The following CNIH1 variants were observed in gnomAD, a reference collection of about 807,000 sequenced individuals.
CNIH1 encodes protein cornichon homolog 1.
CNIH1 carries 12 observed loss-of-function variants against 20.2 expected under a neutral mutation model. The ratio of observed to expected loss-of-function variants is 0.59; its 90% confidence interval spans 0.38 to 0.96. The LOEUF is 0.96. Ranked by LOEUF, CNIH1 falls within the 40% of genes least tolerant of loss-of-function variation. The pLI is 0.00. For synonymous variants in CNIH1, 69 were observed against 63.3 expected, an observed-to-expected ratio of 1.09 and a Z score of -0.43; for missense variants, 152 against 178.8, an observed-to-expected ratio of 0.85 and a Z score of 0.85.
At position 54,437,306 on chromosome 14, in the gene CNIH1, C is replaced by T. The variant is rs1170999080; in HGVS notation, c.82-869G>A. On this transcript the variant is annotated intron_variant, in intron 1 of 4. Coordinates refer to ENST00000216416, the MANE Select transcript of CNIH1 (RefSeq NM_005776.3). ...GACACACAAACTAAGCTACCCTTCCCTTAATGAGTTAGGAATAGTATCTTT... is the reference window on the plus strand; with the variant it reads ...GACACACAAACTAAGCTACCCTTCCTTTAATGAGTTAGGAATAGTATCTTT... Among the ~76,000 whole-genome samples the T allele has an allele frequency of 3.9e-5, 6 of 152,192 alleles. No homozygotes were observed. In the East Asian group the frequency reaches 1.2e-3, roughly 29 times the overall value.
chr14:54,441,348 G>C lies in CNIH1; in HGVS notation c.-21C>G. On this transcript the variant is annotated 5_prime_UTR_variant, in exon 1 of 5. Coordinates refer to ENST00000216416, the MANE Select transcript of CNIH1 (RefSeq NM_005776.3). The stretch of plus-strand genomic sequence containing the variant: ...GCCATGGCTGGGGAGGAGGAGCGGG[G>C]AGCGGCGCCGTTGCCAGCGGAGAAA... 6.7e-7 allele frequency: 1 copy of C among 1,486,366 alleles called. No homozygotes were observed. The highest frequency in any genetic ancestry group is 9.0e-7 in the Non-Finnish European group (1 of 1,108,912). The allele number at this position is 1,486,366 out of a possible 1,614,324, so 92.1% of individuals were successfully genotyped here. A position where few individuals can be genotyped will look rare whatever the true frequency, so the allele number is the denominator to read the frequency against.
At position 54,430,345 on chromosome 14, in the gene CNIH1, T is replaced by C. The variant is rs1566716121; in HGVS notation, c.323A>G (p.Asn108Ser). 2.5e-6 allele frequency: 4 copies of C among 1,614,130 alleles called. No homozygotes were observed. The highest frequency in any genetic ancestry group is 3.4e-6 in the Non-Finnish European group (4 of 1,179,944). Residue 108 changes from asparagine (N) to serine (S), a missense_variant, in exon 4 of 5, where the codon AAT becomes AGT. Coordinates refer to ENST00000216416, the MANE Select transcript of CNIH1 (RefSeq NM_005776.3). The part of the protein sequence containing the change: ...PGLYDPTTIM[N>S]ADILAYCQKE... ...CTGACAATATGCTAGAATATCTGCA[T>C]TCATGATGGTTGTAGGGTCATAGAG... is the stretch of plus-strand genomic sequence containing the variant.
rs1041305271 is a variant in CNIH1, at chr14:54,425,608, G to A, written c.*2206C>T. ...TTTCGTTTCTGCTTTCTCTTGGTAA[G>A]TGATCTAATTCATAAAACACTGACA... is the stretch of plus-strand genomic sequence containing the variant. On this transcript the variant is annotated 3_prime_UTR_variant, in exon 5 of 5. Coordinates refer to ENST00000216416, the MANE Select transcript of CNIH1 (RefSeq NM_005776.3). The A allele has an allele frequency of 6.6e-6, 1 of 152,216 alleles. No homozygotes were observed. The highest frequency in any genetic ancestry group is 1.5e-5 in the Non-Finnish European group (1 of 68,024). The allele number at this position is 152,216 out of a possible 1,614,324, so 9.4% of individuals were successfully genotyped here.
chr14:54,436,740 T>G, intron 1 of CNIH1: 2 of 488,712 alleles, frequency 4.1e-6, no homozygotes, highest in Non-Finnish European at 3.9e-6. Flanking sequence ...AATAATCTTC[T>G]GAGTAGAAAA....
chr14:54,437,704 AGGGG>A (rs2031082799), intron 1 of CNIH1, among the ~76,000 whole-genome samples: 1 of 151,944 alleles, frequency 6.6e-6, no homozygotes, highest in African/African-American at 2.4e-5. Context: ...AGAACTCACC[AGGGG>A]GATTTCCCTT....
intron 1 of CNIH1, among the ~76,000 whole-genome samples, chr14:54,440,043 T>C (rs1372142691): frequency 6.6e-6 from 1 of 152,226 alleles, no homozygotes; most frequent in East Asian, 1.9e-4. Context: ...CTGATTACAA[T>C]AAGCAGTCAG....
chr14:54,441,058 T>C (rs562714964), intron 1 of CNIH1, among the ~76,000 whole-genome samples, 189 bp downstream of exon 1: 1 of 151,692 alleles, frequency 6.6e-6, no homozygotes, highest in Non-Finnish European at 1.5e-5. Flanking sequence ...CGCGTCCACC[T>C]GGCGACTGCG....
chr14:54,430,107 A>T, intron 4 of CNIH1, 154 bp downstream of exon 4: 2 of 732,066 alleles, frequency 2.7e-6, no homozygotes, highest in Non-Finnish European at 4.4e-6. Context: ...AGTGTGGGCC[A>T]CACTGAATGT....
rs2030806288 is a variant in CNIH1, at chr14:54,425,372, CTG to C, written c.*2440_*2441del. The C allele has an allele frequency of 7.0e-6, 1 of 143,692 alleles. No individual in the cohort carries two copies. The highest frequency in any genetic ancestry group is 2.7e-5 in the African/African-American group (1 of 36,680). 8.9% of individuals were successfully genotyped at this position (143,692 alleles called of 1,614,324 possible). On this transcript the variant is annotated 3_prime_UTR_variant, in exon 5 of 5. Transcript: ENST00000216416. ...ATAAAGCACATAATACCAAAAGTAA[CTG>C]TAATAAGGAGAAAAAAAAAAAGAGT...
chr14:54,433,818 A>C (rs898441484), intron 2 of CNIH1, among the ~76,000 whole-genome samples: 2 of 152,212 alleles, frequency 1.3e-5, no homozygotes, highest in African/African-American at 4.8e-5. Context: ...TCCCGCTCTT[A>C]ATATTACTTT....
At chr14:54,429,548 C>A (rs1174981562) in intron 4 of CNIH1, among the ~76,000 whole-genome samples, 1 of 152,172 alleles carries the variant, frequency 6.6e-6, no homozygotes, top group East Asian at 1.9e-4. Context: ...CACCTGAGGT[C>A]GGGAGTTCAA....
chr14:54,432,206 C>G lies in CNIH1; in HGVS notation c.165G>C (p.Glu55Asp). The stretch of plus-strand genomic sequence containing the variant: ...CACAGAAGAAAGCGTGGATGAGGTA[C>G]TCTGGGAGTACAAGCTGGAAGGAAA... ...CNTLNPLVLP[E>D]YLIHAFFCVM... is the part of the protein sequence containing the mutation. The change falls in exon 3 of 5, where the codon GAG (glutamate) becomes GAC (aspartate). Residue 55 changes from glutamate (E) to aspartate (D), a missense_variant. Coordinates refer to ENST00000216416, the MANE Select transcript of CNIH1 (RefSeq NM_005776.3). The G allele has an allele frequency of 6.5e-7, 1 of 1,543,196 alleles. No homozygotes were observed. Among genetic ancestry groups the G allele is most frequent in the East Asian group, 2.4e-5 (1 of 41,314 alleles).
At position 54,441,157 on chromosome 14, in the gene CNIH1, C is replaced by T. The variant is rs1050449560; in HGVS notation, c.81+90G>A. The stretch of plus-strand genomic sequence containing the variant: ...GCCGCATCCCCGACGCGCAAAGCCC[C>T]GGCGGCCGTGGCGGCCCGGACCGCG... On this transcript the variant is annotated intron_variant, in intron 1 of 4. Coordinates refer to ENST00000216416, the MANE Select transcript of CNIH1 (RefSeq NM_005776.3). The T allele has an allele frequency of 1.4e-5, 18 of 1,314,784 alleles. No individual in the cohort carries two copies. The African/African-American group carries it at 2.5e-4, about 18-fold the overall frequency. 81.4% of individuals were successfully genotyped at this position (1,314,784 alleles called of 1,614,324 possible).
Position 54,428,800 on chromosome 14 carries a change from C to T in CNIH1, c.408-959G>A, listed in dbSNP as rs1231380754. On this transcript the variant is annotated intron_variant, in intron 4 of 4. Transcript: ENST00000216416. ...TAGATGAGTAATATCTGCATATGCACTAAAGGATACTCATTTTCACAGTAA... is the reference window on the plus strand; with the variant it reads ...TAGATGAGTAATATCTGCATATGCATTAAAGGATACTCATTTTCACAGTAA... 2.0e-5 allele frequency among the ~76,000 whole-genome samples: 3 copies of T among 152,242 alleles called. No homozygotes were observed. The East Asian group carries it at 5.8e-4, about 29-fold the overall frequency.
intron 1 of CNIH1, 97 bp downstream of exon 1, chr14:54,441,150 A>C: frequency 4.9e-6 from 6 of 1,213,594 alleles, no homozygotes; most frequent in East Asian, 3.8e-5. Context: ...CCCGACGCGC[A>C]AAGCCCCGGC....
chr14:54,425,980 G>A lies in CNIH1; in HGVS notation c.*1834C>T, dbSNP rs2030819927. 6.6e-6 allele frequency: 1 copy of A among 152,130 alleles called. No homozygotes were observed. Among genetic ancestry groups the A allele is most frequent in the African/African-American group, 2.4e-5 (1 of 41,442 alleles). The allele number at this position is 152,130 out of a possible 1,614,324, so 9.4% of individuals were successfully genotyped here. ...AACCCATCTGGATTATAGAAGACTT[G>A]GCCAGGTCTTGCATGATCAAAAGTC... On this transcript the variant is annotated 3_prime_UTR_variant, in exon 5 of 5. Transcript: ENST00000216416.
intron 4 of CNIH1, among the ~76,000 whole-genome samples, chr14:54,429,158 T>C (rs1357847394): frequency 6.6e-6 from 1 of 152,232 alleles, no homozygotes; most frequent in Non-Finnish European, 1.5e-5. Context: ...CATTTAACAG[T>C]GTCCTTTTCT....
rs912253192 is a variant in CNIH1 at position 54,425,743 on chromosome 14, T to A, written c.*2071A>T. On this transcript the variant is annotated 3_prime_UTR_variant, in exon 5 of 5. Transcript: ENST00000216416. The stretch of plus-strand genomic sequence containing the variant: ...GATGGGTGAAACTCCCTGTCAATCA[T>A]CTTTGAGGAATCAGCTGAAGACTAC... 6.6e-6 allele frequency: 1 copy of A among 152,168 alleles called. No individual in the cohort carries two copies. Among genetic ancestry groups the A allele is most frequent in the African/African-American group, 2.4e-5 (1 of 41,450 alleles). The allele number at this position is 152,168 out of a possible 1,614,324, so 9.4% of individuals were successfully genotyped here.
chr14:54,435,389 A>T (rs187999496), intron 2 of CNIH1, among the ~76,000 whole-genome samples: 2 of 152,316 alleles, frequency 1.3e-5, no homozygotes, highest in Admixed American at 1.3e-4. Flanking sequence ...AAGAAAATTT[A>T]AAAATACATA....
Sources: allele counts gnomAD v4.1 joint callset (sites outside exome capture counted in the v4.1 genomes callset), GRCh38; gene constraint gnomAD v4.1.1; transcripts MANE v1.5; gene names NCBI Gene and HGNC (gene_info 2026-07-23, HGNC 2026-07-21).